The following NEBL variants were observed in gnomAD, a reference collection of about 807,000 sequenced individuals.
NEBL encodes the protein nebulette.
NEBL carries 122 observed loss-of-function variants against 140.2 expected under a neutral mutation model. The observed-to-expected ratio is 0.87, with a 90% CI of 0.75 to 1.01. The LOEUF (loss-of-function observed/expected upper bound fraction) is 1.01, where lower values mean the gene tolerates loss of function less well. NEBL is among the 50% of genes least tolerant of loss of function. The pLI is 0.00. For synonymous variants in NEBL, 436 were observed against 398.9 expected, an observed-to-expected ratio of 1.09 and a Z score of -1.11; for missense variants, 1,365 against 1,231.3, an observed-to-expected ratio of 1.11 and a Z score of -1.62.
chr10:20,800,300 G>T (rs1836993725), intron 26 of NEBL, among the ~76,000 whole-genome samples: 1 of 151,960 alleles, frequency 6.6e-6, no homozygotes, highest in Non-Finnish European at 1.5e-5. Flanking sequence ...AAATGGCAGG[G>T]TCTCCTTTTT....
intron 9 of NEBL, among the ~76,000 whole-genome samples, chr10:20,858,004 C>T (rs1005236626): frequency 2.0e-5 from 3 of 152,120 alleles, no homozygotes; most frequent in Non-Finnish European, 4.4e-5. Flanking sequence ...TGTGCAGACA[C>T]TTTGAAGTAT....
At chr10:20,893,580 G>A (rs538044113) in intron 2 of NEBL, among the ~76,000 whole-genome samples, 3 of 152,246 alleles carry the variant, frequency 2.0e-5, no homozygotes, top group South Asian at 2.1e-4. Flanking sequence ...CCTGAAAAAC[G>A]GACATTTCTC....
At chr10:21,245,392 A>C (rs1842503074) in intron 3 of NEBL, among the ~76,000 whole-genome samples, 1 of 152,252 alleles carries the variant, frequency 6.6e-6, no homozygotes, top group African/African-American at 2.4e-5. Context: ...TACTGAATAC[A>C]TTACATAAGC....
intron 1 of NEBL, among the ~76,000 whole-genome samples, chr10:21,275,807 ATTTT>A: frequency 8.8e-6 from 1 of 113,774 alleles, no homozygotes; most frequent in East Asian, 2.5e-4. Flanking sequence ...CACCCAGCTA[ATTTT>A]TTTTTTTTTT....
intron 7 of NEBL, among the ~76,000 whole-genome samples, chr10:20,865,382 C>A (rs1294340057): frequency 1.3e-5 from 2 of 152,116 alleles, no homozygotes. Flanking sequence ...CCCTATTTTA[C>A]AAATGAGGAA....
At chr10:20,925,543 A>G (rs931926228) in intron 4 of NEBL, among the ~76,000 whole-genome samples, 2 of 151,970 alleles carry the variant, frequency 1.3e-5, no homozygotes, top group African/African-American at 4.8e-5. Context: ...CAATAAATAC[A>G]CTCACCTTTT....
At chr10:20,887,431 T>G (rs1185205824) in intron 4 of NEBL, among the ~76,000 whole-genome samples, 1 of 147,780 alleles carries the variant, frequency 6.8e-6, no homozygotes, top group East Asian at 2.0e-4. Context: ...TTTTTTTTTT[T>G]TTTTTGAGAC....
chr10:21,262,688 G>T (rs1006151053), intron 1 of NEBL, among the ~76,000 whole-genome samples: 3 of 152,164 alleles, frequency 2.0e-5, no homozygotes, highest in African/African-American at 4.8e-5. Context: ...CCAGGCTTGT[G>T]TCTGAGCACA....
chr10:20,845,880 T>G (rs1380052560), intron 11 of NEBL, among the ~76,000 whole-genome samples: 1 of 151,904 alleles, frequency 6.6e-6, no homozygotes, highest in Admixed American at 6.6e-5. Context: ...AGGGAGGGGG[T>G]TTCCCTTTAA....
At chr10:21,034,634 G>A (rs571914765) in intron 2 of NEBL, among the ~76,000 whole-genome samples, 3 of 152,322 alleles carry the variant, frequency 2.0e-5, no homozygotes, top group East Asian at 3.9e-4. Flanking sequence ...CCACTATGGA[G>A]TTAAAGAACT....
Position 21,044,554 on chromosome 10 carries a change from A to T in NEBL, c.165-24353T>A, listed in dbSNP as rs185040888. 3.9e-4 allele frequency among the ~76,000 whole-genome samples: 60 copies of T among 152,276 alleles called. No homozygotes were observed. In the Middle Eastern group the frequency reaches 0.01, roughly 26 times the overall value. ...CAGTGCTGTAGCCAAGTATTTAAAT[A>T]GGAGAGGGGTGCTTAAAAGAAGAGA... On this transcript the variant is annotated intron_variant, in intron 2 of 6. Transcript: ENST00000417816.
intron 4 of NEBL, among the ~76,000 whole-genome samples, chr10:20,928,644 G>C (rs753046297): frequency 6.6e-6 from 1 of 152,158 alleles, no homozygotes; most frequent in Non-Finnish European, 1.5e-5. Context: ...TGATCCAATG[G>C]AAGGAAATAT....
At chr10:20,840,480 A>G (rs1841309705) in intron 13 of NEBL, among the ~76,000 whole-genome samples, 1 of 152,172 alleles carries the variant, frequency 6.6e-6, no homozygotes, top group African/African-American at 2.4e-5. Context: ...TGCTTAAAAG[A>G]TGAAGTTAAA....
At chr10:20,845,896 T>C (rs1355415483) in intron 11 of NEBL, among the ~76,000 whole-genome samples, 8 of 152,198 alleles carry the variant, frequency 5.3e-5, no homozygotes, top group Admixed American at 5.2e-4. Context: ...TTTAATGATT[T>C]TGGAGTTGAG....
intron 1 of NEBL, among the ~76,000 whole-genome samples, chr10:21,274,465 G>A (rs1437190914): frequency 6.6e-6 from 1 of 152,074 alleles, no homozygotes; most frequent in African/African-American, 2.4e-5. Flanking sequence ...TCCCTCTGTT[G>A]CCCAGGCTGG....
At chr10:20,848,510 C>G (rs572620582) in intron 11 of NEBL, among the ~76,000 whole-genome samples, 1 of 152,180 alleles carries the variant, frequency 6.6e-6, no homozygotes, top group African/African-American at 2.4e-5. Flanking sequence ...GTTAGCAACC[C>G]GGTAACAAAG....
At chr10:21,257,283 T>C (rs893224072) in intron 1 of NEBL, among the ~76,000 whole-genome samples, 1 of 152,210 alleles carries the variant, frequency 6.6e-6, no homozygotes, top group East Asian at 1.9e-4. Flanking sequence ...TATATAAATA[T>C]CTTCACTGCC....
chr10:21,071,392 G>A (rs1022064200), intron 2 of NEBL, among the ~76,000 whole-genome samples: 2 of 151,908 alleles, frequency 1.3e-5, no homozygotes, highest in African/African-American at 4.8e-5. Context: ...GTCCTCGAGT[G>A]AGTTGTTTTT....
chr10:20,806,363 C>T (rs1195303675), intron 26 of NEBL, among the ~76,000 whole-genome samples: 1 of 152,198 alleles, frequency 6.6e-6, no homozygotes, highest in Non-Finnish European at 1.5e-5. Flanking sequence ...CTCTTCTAAA[C>T]TCTAATTGTG....
Sources: allele counts gnomAD v4.1 joint callset (sites outside exome capture counted in the v4.1 genomes callset), GRCh38; gene constraint gnomAD v4.1.1; transcripts MANE v1.5; gene names NCBI Gene and HGNC (gene_info 2026-07-23, HGNC 2026-07-21).